Variants in PLXNA2 observed in about 807,000 individuals in gnomAD.
PLXNA2 encodes plexin-A2.
PLXNA2 carries 91 observed loss-of-function variants against 193.5 expected under a neutral mutation model. The observed-to-expected ratio is 0.47, with a 90% confidence interval of 0.40 to 0.56. PLXNA2 has a LOEUF of 0.56. PLXNA2 is among the 20% of genes least tolerant of loss of function. The probability of loss-of-function intolerance (pLI) is 0.00; values close to 1 mark genes in which losing one functional copy is unlikely to be tolerated. For missense variants in PLXNA2, 1,995 were observed against 2,503.2 expected (o/e 0.80, Z 4.33); for synonymous variants, 997 against 1,027.3 (o/e 0.97, Z 0.56).
chr1:208,038,476 T>A lies in PLXNA2; in HGVS notation c.4661-2A>T. 1 of 1,611,628 alleles carries A rather than the reference T, an allele frequency of 6.2e-7. No individual in the cohort carries two copies. Among genetic ancestry groups the A allele is most frequent in the Non-Finnish European group, 8.5e-7 (1 of 1,177,798 alleles). On this transcript the variant is annotated splice_acceptor_variant, in intron 25 of 31. Coordinates refer to ENST00000367033, the MANE Select transcript of PLXNA2 (RefSeq NM_025179.4). LOFTEE classifies it high-confidence loss of function. This position sits in a 1 kb window ranked among gnomAD's most constrained non-coding sequence, Gnocchi z 4.1. ...GGGCGATCCGGCCTTGGCGCCACTC[T>A]GGGTGGAGGGGGTGGTGCAGGGAGC...
intron 11 of PLXNA2, among the ~76,000 whole-genome samples, chr1:208,080,563 A>T (rs1333058751): frequency 6.6e-6 from 1 of 152,198 alleles, no homozygotes; most frequent in African/African-American, 2.4e-5. Flanking sequence ...CCCCAGGGAA[A>T]GGGTAATTTT....
At chr1:208,211,983 C>T (rs947706866) in intron 2 of PLXNA2, among the ~76,000 whole-genome samples, 13 of 152,236 alleles carry the variant, frequency 8.5e-5, no homozygotes, top group Middle Eastern at 3.2e-3. Context: ...AGTGCTCTGA[C>T]ATGGCCCAGT....
At position 208,082,058 on chromosome 1, in the gene PLXNA2, G is replaced by A. The variant is rs999365230; in HGVS notation, c.2395+354C>T. On this transcript the variant is annotated intron_variant, in intron 11 of 31. Coordinates refer to ENST00000367033, the MANE Select transcript of PLXNA2 (RefSeq NM_025179.4). This position sits in a 1 kb window ranked among gnomAD's most constrained non-coding sequence, Gnocchi z 4.2. ...ATTGTGACCAGGGCCAAGGACAGGGGAACAAGAGCCTGACTGGAAACAATA... is the reference window on the plus strand; with the variant it reads ...ATTGTGACCAGGGCCAAGGACAGGGAAACAAGAGCCTGACTGGAAACAATA... Among the ~76,000 whole-genome samples, 1 of 152,162 alleles carries A rather than the reference G, an allele frequency of 6.6e-6. No individual in the cohort carries two copies. The highest frequency in any genetic ancestry group is 1.5e-5 in the Non-Finnish European group (1 of 68,030).
rs1664362581 is a variant in PLXNA2, at chr1:208,027,052, T to TC, written c.*190dup. 7.5e-6 allele frequency: 4 copies of TC among 535,862 alleles called. No homozygotes were observed. In the South Asian group the frequency reaches 9.6e-5, roughly 13 times the overall value. 33.2% of individuals were successfully genotyped at this position (535,862 alleles called of 1,614,324 possible). A position where few individuals can be genotyped will look rare whatever the true frequency, so the allele number is the denominator to read the frequency against. On this transcript the variant is annotated 3_prime_UTR_variant, in exon 32 of 32. Transcript: ENST00000367033. ...CTGAGGATGGACGACGCCCACTGTC[T>TC]CTCCCAGCTGGAACTGGCTATGACG...
rs140237889 is a variant in PLXNA2, at chr1:208,063,882, G to A, written c.2587-3045C>T. Among the ~76,000 whole-genome samples, 19 of 152,234 alleles carry A rather than the reference G, an allele frequency of 1.2e-4. No individual in the cohort carries two copies. The East Asian group carries it at 2.9e-3, about 23-fold the overall frequency. ...TGACTTCCAAATCCATAAGGTTGGC[G>A]CAGGCCCCTCTCCTGAGCTCCACAG... is the stretch of plus-strand genomic sequence containing the variant. On this transcript the variant is annotated intron_variant, in intron 12 of 31. Coordinates refer to ENST00000367033, the MANE Select transcript of PLXNA2 (RefSeq NM_025179.4).
rs550291410 is a variant in PLXNA2, at chr1:208,195,726, G to A, written c.1371+14554C>T. ...ACTAATGCTAATACACAGACTGGCTGCAGCCCAGGGGTGTCTGCTGAGCTC... is the reference window on the plus strand; with the variant it reads ...ACTAATGCTAATACACAGACTGGCTACAGCCCAGGGGTGTCTGCTGAGCTC... On this transcript the variant is annotated intron_variant, in intron 3 of 31. Coordinates refer to ENST00000367033, the MANE Select transcript of PLXNA2 (RefSeq NM_025179.4). Among the ~76,000 whole-genome samples, 6 of 152,158 alleles carry A rather than the reference G, an allele frequency of 3.9e-5. No individual in the cohort carries two copies. The East Asian group carries it at 1.2e-3, about 29-fold the overall frequency.
intron 4 of PLXNA2, among the ~76,000 whole-genome samples, chr1:208,124,476 C>A (rs920945855): frequency 4.0e-5 from 6 of 151,782 alleles, no homozygotes; most frequent in Admixed American, 6.6e-5. Context: ...GTCAGGAGTT[C>A]AAGGCCAGCC....
At chr1:208,055,365 G>A (rs1362127949) in intron 13 of PLXNA2, among the ~76,000 whole-genome samples, 1 of 152,304 alleles carries the variant, frequency 6.6e-6, no homozygotes, top group East Asian at 1.9e-4. Flanking sequence ...TTAGATACTG[G>A]TTGCCTTAGC....
intron 6 of PLXNA2, among the ~76,000 whole-genome samples, chr1:208,098,495 C>CATAA (rs1666991093): frequency 6.8e-6 from 1 of 147,022 alleles, no homozygotes; most frequent in Admixed American, 6.8e-5. Context: ...CACACACATG[C>CATAA]AACTCACAGA....
chr1:208,182,528 G>GTC (rs1360068097), intron 3 of PLXNA2, among the ~76,000 whole-genome samples: 1 of 152,086 alleles, frequency 6.6e-6, no homozygotes, highest in Non-Finnish European at 1.5e-5. Flanking sequence ...TACTGAAAGC[G>GTC]TCTTGCTCTG....
chr1:208,243,333 G>A (rs986615356), intron 1 of PLXNA2, among the ~76,000 whole-genome samples: 1 of 152,140 alleles, frequency 6.6e-6, no homozygotes, highest in South Asian at 2.1e-4. Flanking sequence ...GCAGGTGCGC[G>A]GTGGAGGCGC....
chr1:208,187,061 G>A (rs999363294), intron 3 of PLXNA2, among the ~76,000 whole-genome samples: 1 of 152,168 alleles, frequency 6.6e-6, no homozygotes, highest in African/African-American at 2.4e-5. Flanking sequence ...GTAGGAAGGT[G>A]GGGGAGGGAC....
intron 12 of PLXNA2, among the ~76,000 whole-genome samples, chr1:208,065,249 T>C (rs2498034): frequency 0.16 from 24,515 of 152,162 alleles, 2,524 homozygotes; most frequent in East Asian, 0.44. Context: ...CAGATAGCTC[T>C]ATGCTGCTGG....
intron 4 of PLXNA2, among the ~76,000 whole-genome samples, chr1:208,139,714 A>T (rs1002334983): frequency 6.6e-6 from 1 of 152,244 alleles, no homozygotes; most frequent in Non-Finnish European, 1.5e-5. Context: ...AGAACCCAGG[A>T]CATCTGACTT....
At chr1:208,212,411 T>C (rs905704738) in intron 2 of PLXNA2, among the ~76,000 whole-genome samples, 1 of 152,214 alleles carries the variant, frequency 6.6e-6, no homozygotes, top group African/African-American at 2.4e-5. Context: ...GCTGCACTTG[T>C]GTGTGTATAT....
chr1:208,146,232 G>C (rs933374980), intron 3 of PLXNA2, among the ~76,000 whole-genome samples: 5 of 152,182 alleles, frequency 3.3e-5, no homozygotes, highest in African/African-American at 1.2e-4. Flanking sequence ...TTCTGACTCT[G>C]TTCTTCCCTG....
At chr1:208,173,694 T>C (rs1164890724) in intron 3 of PLXNA2, among the ~76,000 whole-genome samples, 5 of 152,226 alleles carry the variant, frequency 3.3e-5, no homozygotes, top group African/African-American at 4.8e-5. Flanking sequence ...GGGCTGTGCA[T>C]GCTGAGCCTG....
chr1:208,164,824 C>T (rs925015588), intron 3 of PLXNA2, among the ~76,000 whole-genome samples: 2 of 152,214 alleles, frequency 1.3e-5, no homozygotes, highest in African/African-American at 4.8e-5. Context: ...CTGCCTGACT[C>T]TAGCGGCACT....
At chr1:208,075,879 C>T (rs907331845) in intron 12 of PLXNA2, among the ~76,000 whole-genome samples, 4 of 151,834 alleles carry the variant, frequency 2.6e-5, no homozygotes, top group African/African-American at 9.7e-5. Flanking sequence ...GCCAACATGG[C>T]AAACTCCACC....
Sources: allele counts gnomAD v4.1 joint callset (sites outside exome capture counted in the v4.1 genomes callset), GRCh38; gene constraint gnomAD v4.1.1; non-coding constraint Gnocchi (gnomAD v3.1); transcripts MANE v1.5; gene names NCBI Gene and HGNC (gene_info 2026-07-23, HGNC 2026-07-21).